Variants in SH3GLB2 observed in about 807,000 individuals in gnomAD.
SH3GLB2 encodes SH3 domain containing GRB2 like, endophilin B2.
SH3GLB2 carries 24 observed loss-of-function variants against 48.0 expected under a neutral mutation model. The ratio of observed to expected loss-of-function variants is 0.50; its 90% CI spans 0.36 to 0.70. The LOEUF (loss-of-function observed/expected upper bound fraction) is 0.70. SH3GLB2 is among the 30% of genes least tolerant of loss of function. The pLI, the probability that SH3GLB2 is intolerant of heterozygous loss-of-function variation, is 0.00. For synonymous variants in SH3GLB2, 227 were observed against 207.6 expected (o/e 1.09, Z -0.80); for missense variants, 425 against 516.0 (o/e 0.82, Z 1.71).
chr9:129,010,743 A>T, intron 6 of SH3GLB2, 50 bp from the exon 7 acceptor site: 1 of 1,611,288 alleles, frequency 6.2e-7, no homozygotes, highest in Non-Finnish European at 8.5e-7. Flanking sequence ...AGAGGAGGAC[A>T]GCTGGACCCT....
intron 5 of SH3GLB2, 69 bp from the exon 6 acceptor site, chr9:129,012,367 G>T: frequency 9.7e-7 from 1 of 1,034,852 alleles, no homozygotes; most frequent in Non-Finnish European, 1.3e-6. Context: ...AGGTCAGGAG[G>T]CTACCCCAGA....
intron 10 of SH3GLB2, 61 bp from the exon 11 acceptor site, chr9:129,008,852 C>CTAAG: frequency 6.7e-7 from 1 of 1,500,102 alleles, no homozygotes; most frequent in East Asian, 2.3e-5. Flanking sequence ...GGCCCCAGGA[C>CTAAG]TAAGTGGGGA....
intron 2 of SH3GLB2, among the ~76,000 whole-genome samples, chr9:129,021,819 C>T (rs969714021): frequency 3.3e-5 from 5 of 151,804 alleles, no homozygotes; most frequent in Non-Finnish European, 7.4e-5. Context: ...ATTAGCTGGG[C>T]GTGGTGGCAT....
rs12554941 is a variant in SH3GLB2 at position 129,010,191 on chromosome 9, C to T, written c.667G>A (p.Val223Met). The T allele has an allele frequency of 1.4e-3, 2,311 of 1,613,938 alleles. 9 individuals carry two copies. Among genetic ancestry groups the T allele is most frequent in the South Asian group, 2.2e-3 (196 of 91,084 alleles). Residue 223 changes from valine to methionine, a missense_variant, in exon 8 of 11, where the codon GTG becomes ATG. By Grantham distance (21) the Val-to-Met change is conservative. Coordinates refer to ENST00000372564, the MANE Select transcript of SH3GLB2 (RefSeq NM_020145.4). Reference sequence around the variant, plus strand: ...TGCCGGTCAAACTCTGTCTGGGCCACGCGGAGCTCCTGCTCGGCCTGGGCA... The same window carrying T: ...TGCCGGTCAAACTCTGTCTGGGCCATGCGGAGCTCCTGCTCGGCCTGGGCA... ...EVDKAEQELR[V>M]AQTEFDRQAE... is the part of the protein sequence containing the mutation.
intron 9 of SH3GLB2, 197 bp downstream of exon 9, chr9:129,009,574 T>C (rs1185270237): frequency 1.3e-6 from 2 of 1,537,678 alleles, no homozygotes; most frequent in Non-Finnish European, 1.8e-6. Context: ...CCTCAGGGGC[T>C]CCAGGGGACT....
At chr9:129,010,302 C>T in intron 7 of SH3GLB2, 93 bp from the exon 8 acceptor site, 1 of 1,077,584 alleles carries the variant, frequency 9.3e-7, no homozygotes. Context: ...CCGCCTGTCC[C>T]TTTCCCCTGG....
At chr9:129,009,014 A>G in intron 10 of SH3GLB2, 92 bp downstream of exon 10, 1 of 1,565,450 alleles carries the variant, frequency 6.4e-7, no homozygotes, top group Non-Finnish European at 8.6e-7. Flanking sequence ...CTTTGCCAAC[A>G]GGGCCCCTCC....
rs1842893050 is a variant in SH3GLB2 at position 129,008,514 on chromosome 9, A to T, written c.*170T>A. The T allele has an allele frequency of 1.7e-6, 1 of 593,620 alleles. No individual in the cohort carries two copies. Among genetic ancestry groups the T allele is most frequent in the South Asian group, 1.8e-5 (1 of 54,728 alleles). 36.8% of individuals were successfully genotyped at this position (593,620 alleles called of 1,614,324 possible). On this transcript the variant is annotated 3_prime_UTR_variant, in exon 11 of 11. Transcript: ENST00000372564. ...AGAAGCAGGGCTGGGGGAGGGGTGG[A>T]GCCATTCAGCCTCAGGCACCCTCAC...
intron 1 of SH3GLB2, 23 bp from the exon 2 acceptor site, chr9:129,022,446 G>T: frequency 6.2e-7 from 1 of 1,609,212 alleles, no homozygotes; most frequent in South Asian, 1.1e-5. Context: ...GAAGGCCAAG[G>T]GGTGGGGAGG....
Position 129,021,958 on chromosome 9 carries a change from C to CAA in SH3GLB2, c.205+322_205+323dup, listed in dbSNP as rs112400796. On this transcript the variant is annotated intron_variant, in intron 2 of 10. Coordinates refer to ENST00000372564, the MANE Select transcript of SH3GLB2 (RefSeq NM_020145.4). The stretch of plus-strand genomic sequence containing the variant: ...TGGGTGACAGAGCAAGACTCCACCT[C>CAA]AAAAAAAAAAAAAAAAAAACCAACA... 4.2e-3 allele frequency among the ~76,000 whole-genome samples: 224 copies of CAA among 53,354 alleles called. 6 individuals carry two copies. In the East Asian group the frequency reaches 0.072, roughly 17 times the overall value. 35.0% of individuals were successfully genotyped at this position (53,354 alleles called of 152,430 possible).
chr9:129,008,917 C>G (rs1026453355), intron 10 of SH3GLB2, 126 bp from the exon 11 acceptor site: 2 of 1,260,376 alleles, frequency 1.6e-6, no homozygotes, highest in Non-Finnish European at 1.1e-6. Context: ...CAGTGGCTGG[C>G]GCTCATCTCA....
At position 129,028,289 on chromosome 9, in the gene SH3GLB2, C is replaced by T. The variant is rs1413898438; in HGVS notation, c.-135G>A. On this transcript the variant is annotated 5_prime_UTR_variant, in exon 1 of 11. Coordinates refer to ENST00000372564, the MANE Select transcript of SH3GLB2 (RefSeq NM_020145.4). ...GCGCACCCGCCTGCCGGCCTGCCCG[C>T]CTGCCCGCCCGCCGCAGCCGCCGAG... The T allele has an allele frequency of 4.2e-6, 2 of 472,924 alleles. No individual in the cohort carries two copies. The highest frequency in any genetic ancestry group is 1.6e-4 in the East Asian group (1 of 6,414). The allele number at this position is 472,924 out of a possible 1,614,324, so 29.3% of individuals were successfully genotyped here.
rs922728313 is a variant in SH3GLB2, at chr9:129,009,298, CAG to C, written c.886_887del (p.Leu296GlufsTer49). On this transcript the variant is annotated frameshift_variant, in exon 10 of 11. Coordinates refer to ENST00000372564, the MANE Select transcript of SH3GLB2 (RefSeq NM_020145.4). LOFTEE classifies it high-confidence loss of function. ...VGTTEPASPP[L>X]SSTSPTTAAA... ...CAGCAGTGGTGGGTGAGGTGCTGCTCAGGGGTGGGGAGGCGGGCTCTGTGGTG... is the reference window on the plus strand; with the variant it reads ...CAGCAGTGGTGGGTGAGGTGCTGCTCGGGTGGGGAGGCGGGCTCTGTGGTG... The C allele has an allele frequency of 3.9e-6, 6 of 1,550,938 alleles. No individual in the cohort carries two copies. Among genetic ancestry groups the C allele is most frequent in the African/African-American group, 2.7e-5 (2 of 73,572 alleles).
Position 129,014,787 on chromosome 9 carries a change from TC to T in SH3GLB2, c.451del (p.Asp151ThrfsTer26). On this transcript the variant is annotated frameshift_variant, in exon 4 of 11. Coordinates refer to ENST00000372564, the MANE Select transcript of SH3GLB2 (RefSeq NM_020145.4). LOFTEE classifies it high-confidence loss of function. The surrounding 1 kb of genome is among the most constrained non-coding windows in gnomAD (Gnocchi z 4.1). Reference sequence around the variant, plus strand: ...GGCCCTCACCGAGATGGTCTTCCAGTCCCCCTCCAGGAAGTTGCGCAAGGGT... The same window carrying T: ...GGCCCTCACCGAGATGGTCTTCCAGTCCCCTCCAGGAAGTTGCGCAAGGGT... ...LTPLRNFLEG[D>X]WKTISKERRL... 6.2e-7 allele frequency: 1 copy of T among 1,613,076 alleles called. No individual in the cohort carries two copies. Among genetic ancestry groups the T allele is most frequent in the Non-Finnish European group, 8.5e-7 (1 of 1,179,722 alleles).
In SH3GLB2 at chr9:129,008,811, G is replaced by A. The variant is rs1388105135; in HGVS notation, c.1081-20C>T. 1.9e-6 allele frequency: 3 copies of A among 1,607,296 alleles called. No homozygotes were observed. Among genetic ancestry groups the A allele is most frequent in the Middle Eastern group, 1.7e-4 (1 of 5,900 alleles). On this transcript the variant is annotated intron_variant, in intron 10 of 10. Transcript: ENST00000372564. ...GATGAGCTGCAGAGATGGCAGTAGA[G>A]GACGGTCATGGCCTGGCCAAGGGTG...
chr9:129,021,680 C>T (rs933281966), intron 2 of SH3GLB2, among the ~76,000 whole-genome samples: 6 of 151,566 alleles, frequency 4.0e-5, no homozygotes, highest in South Asian at 2.1e-4. Context: ...CAGGTTGGGA[C>T]GGACACGGTG....
intron 5 of SH3GLB2, chr9:129,013,106 G>A: frequency 2.7e-6 from 4 of 1,484,858 alleles, no homozygotes; most frequent in Non-Finnish European, 3.7e-6. Context: ...AGGCCCCCCA[G>A]GCCCCAGTGG....
chr9:129,008,976 T>C, intron 10 of SH3GLB2, 130 bp downstream of exon 10: 1 of 1,454,390 alleles, frequency 6.9e-7, no homozygotes, highest in Non-Finnish European at 9.3e-7. Flanking sequence ...CAGAGCTGGA[T>C]ATGCCCTCTT....
In SH3GLB2 at chr9:129,028,100, C is replaced by T. The variant is rs1188635841; in HGVS notation, c.55G>A (p.Ala19Thr). The T allele has an allele frequency of 6.7e-7, 1 of 1,501,622 alleles. No homozygotes were observed. Among genetic ancestry groups the T allele is most frequent in the South Asian group, 1.2e-5 (1 of 80,110 alleles). The allele number at this position is 1,501,622 out of a possible 1,614,324, so 93.0% of individuals were successfully genotyped here. The change falls in exon 1 of 11, where the codon GCG becomes ACG. Residue 19 changes from alanine (A) to threonine (T), a missense_variant. Physicochemically the swap from Ala to Thr is moderately conservative, Grantham distance 58 (BLOSUM62 0). Coordinates refer to ENST00000372564, the MANE Select transcript of SH3GLB2 (RefSeq NM_020145.4). ...GCGACGCCAGGCCTCACCTGCACCGCCCGGGTGAAGAAGATGCCCGCGTCC... is the reference window on the plus strand; with the variant it reads ...GCGACGCCAGGCCTCACCTGCACCGTCCGGGTGAAGAAGATGCCCGCGTCC... ...ASDAGIFFTR[A>T]VQFTEEKFGQ...
Sources: gnomAD v4.1 joint callset for allele counts (sites outside exome capture counted in the v4.1 genomes callset) on GRCh38, gnomAD v4.1.1 for gene constraint, Gnocchi (gnomAD v3.1) non-coding constraint, MANE v1.5 for transcripts, NCBI Gene and HGNC (gene_info 2026-07-23, HGNC 2026-07-21) for gene names.